Variants in KIDINS220 observed in about 807,000 individuals in gnomAD.
The protein encoded by KIDINS220 is kinase D interacting substrate 220, also known as kinase D-interacting substrate of 220 kDa.
KIDINS220 carries 63 observed loss-of-function variants against 157.6 expected under a neutral mutation model. The ratio of observed to expected loss-of-function variants is 0.40; its 90% CI spans 0.33 to 0.49. The LOEUF (loss-of-function observed/expected upper bound fraction) is 0.49. Ranked by LOEUF, KIDINS220 falls within the 20% of genes least tolerant of loss-of-function variation. KIDINS220 has a pLI of 0.66. For synonymous variants in KIDINS220, 732 were observed against 783.6 expected, an observed-to-expected ratio of 0.93 and a Z score of 1.10; for missense variants, 1,772 against 2,171.2, an observed-to-expected ratio of 0.82 and a Z score of 3.65.
At chr2:8,722,028 T>C (rs562451317), downstream of KIDINS220, 19 of 152,286 alleles carry the variant, frequency 1.2e-4, no homozygotes, top group South Asian at 3.7e-3. Context: ...AATGTTGAAT[T>C]TGGGGGTTCA....
In KIDINS220 at chr2:8,778,886, T is replaced by G; in HGVS notation, c.2614+10A>C. 1.9e-6 allele frequency: 3 copies of G among 1,613,216 alleles called. No homozygotes were observed. Among genetic ancestry groups the G allele is most frequent in the Non-Finnish European group, 1.7e-6 (2 of 1,179,166 alleles). ...TCAAACTCAAAGTACTTTAGGAGCCTGAGCTTTACCTGTAGTATCTGAGCA... is the reference window on the plus strand; with the variant it reads ...TCAAACTCAAAGTACTTTAGGAGCCGGAGCTTTACCTGTAGTATCTGAGCA... On this transcript the variant is annotated intron_variant, in intron 19 of 29. Coordinates refer to ENST00000256707, the MANE Select transcript of KIDINS220 (RefSeq NM_020738.4).
chr2:8,730,338 TG>T lies in KIDINS220; in HGVS notation c.*381del. 1 of 1,011,328 alleles carries T rather than the reference TG, an allele frequency of 9.9e-7. No homozygotes were observed. Among genetic ancestry groups the T allele is most frequent in the Non-Finnish European group, 1.2e-6 (1 of 847,070 alleles). The allele number at this position is 1,011,328 out of a possible 1,614,324, so 62.6% of individuals were successfully genotyped here. ...AACGCCACGTCTTCCCTCAAATGTGTGGTCACCAAATGTTTGCAAAAAGGGT... is the reference window on the plus strand; with the variant it reads ...AACGCCACGTCTTCCCTCAAATGTGTGTCACCAAATGTTTGCAAAAAGGGT... On this transcript the variant is annotated 3_prime_UTR_variant, in exon 30 of 30. Coordinates refer to ENST00000256707, the MANE Select transcript of KIDINS220 (RefSeq NM_020738.4).
At chr2:8,792,773 G>A (rs1673381366) in intron 12 of KIDINS220, among the ~76,000 whole-genome samples, 1 of 151,798 alleles carries the variant, frequency 6.6e-6, no homozygotes, top group Non-Finnish European at 1.5e-5. Context: ...TTTACCCTAA[G>A]AAAATAATCC....
intron 22 of KIDINS220, among the ~76,000 whole-genome samples, chr2:8,769,540 G>A (rs1487862439): frequency 6.6e-6 from 1 of 152,124 alleles, no homozygotes; most frequent in Non-Finnish European, 1.5e-5. Context: ...ACATTAAATA[G>A]GGCTTTATGT....
chr2:8,731,355 C>G lies in KIDINS220; in HGVS notation c.4681G>C (p.Glu1561Gln). The G allele has an allele frequency of 6.2e-7, 1 of 1,614,230 alleles. No homozygotes were observed. The highest frequency in any genetic ancestry group is 8.5e-7 in the Non-Finnish European group (1 of 1,180,040). ...RVPKSPEHSA[E>Q]PIRTFIKAKE... ...GCTTTAATGAAGGTTCTGATCGGCTCAGCACTGTGTTCTGGAGACTTCGGC... is the reference window on the plus strand; with the variant it reads ...GCTTTAATGAAGGTTCTGATCGGCTGAGCACTGTGTTCTGGAGACTTCGGC... The change falls in exon 30 of 30, where the codon GAG becomes CAG. Residue 1561 changes from glutamate to glutamine, a missense_variant. Glu to Gln is a conservative substitution (Grantham distance 29, BLOSUM62 2). Coordinates refer to ENST00000256707, the MANE Select transcript of KIDINS220 (RefSeq NM_020738.4). The surrounding 1 kb of genome is among the most constrained non-coding windows in gnomAD (Gnocchi z 5.2).
chr2:8,757,852 G>GT, intron 22 of KIDINS220: 2 of 1,356,006 alleles, frequency 1.5e-6, no homozygotes, highest in Non-Finnish European at 2.1e-6. Flanking sequence ...TTGGAATTCT[G>GT]TATGTTTTCT....
chr2:8,808,262 T>G (rs568480227), intron 6 of KIDINS220, among the ~76,000 whole-genome samples: 17 of 152,340 alleles, frequency 1.1e-4, no homozygotes, highest in African/African-American at 4.1e-4. Context: ...CTAAAATGCC[T>G]TTCCTAACTT....
chr2:8,752,772 T>C (rs1667540080), intron 22 of KIDINS220, among the ~76,000 whole-genome samples: 2 of 152,222 alleles, frequency 1.3e-5, no homozygotes, highest in Admixed American at 6.5e-5. Context: ...AAAAGTAATA[T>C]ATGCTTACTA....
chr2:8,805,537 G>A (rs1451585091), intron 7 of KIDINS220, among the ~76,000 whole-genome samples: 1 of 152,142 alleles, frequency 6.6e-6, no homozygotes, highest in Non-Finnish European at 1.5e-5. Flanking sequence ...CTCTGGAACT[G>A]ATCCAGAGCT....
chr2:8,734,423 C>A (rs939986433), intron 28 of KIDINS220, among the ~76,000 whole-genome samples: 1 of 152,126 alleles, frequency 6.6e-6, no homozygotes, highest in African/African-American at 2.4e-5. Flanking sequence ...TTCCCCAAAT[C>A]TCTGAGTGAA....
At position 8,757,796 on chromosome 2, in the gene KIDINS220, G is replaced by A. The variant is rs753073790; in HGVS notation, c.3012-6152C>T. On this transcript the variant is annotated intron_variant, in intron 22 of 29. Transcript: ENST00000256707. ...TGTCTGCTCCACAGCATCTGTGTTT[G>A]AATAATAACATCTTCAGTATGGCTC... 4.6e-5 allele frequency: 74 copies of A among 1,596,340 alleles called. No individual in the cohort carries two copies. The highest frequency in any genetic ancestry group is 6.1e-5 in the Non-Finnish European group (71 of 1,168,412).
Position 8,750,284 on chromosome 2 carries a change from G to A in KIDINS220, c.3242C>T (p.Pro1081Leu), listed in dbSNP as rs373415558. The A allele has an allele frequency of 4.7e-5, 76 of 1,612,618 alleles. No homozygotes were observed. In the South Asian group the frequency reaches 5.1e-4, roughly 11 times the overall value. Residue 1081 changes from proline (P) to leucine (L), a missense_variant, in exon 24 of 30, where the codon CCG (proline) becomes CTG (leucine). Around this residue, in one of 3 missense-constraint regions of KIDINS220, gnomAD observed 793 missense variants for 885.5 expected, o/e 0.90. Coordinates refer to ENST00000256707, the MANE Select transcript of KIDINS220 (RefSeq NM_020738.4). The part of the protein sequence containing the change: ...QISIGGLAYP[P>L]LPLHEGPPRA... ...AGGAGGACCCTCATGTAGAGGGAGC[G>A]GGGGGTACGCCAGTCCTCCAATACT... is the stretch of plus-strand genomic sequence containing the variant.
At chr2:8,812,521 G>C (rs774283611) in intron 5 of KIDINS220, 28 bp from the exon 6 acceptor site, 2 of 1,332,574 alleles carry the variant, frequency 1.5e-6, no homozygotes, top group East Asian at 5.3e-5. Context: ...TTGGTAGGTA[G>C]GTAGATAAGT....
chr2:8,796,976 T>C (rs1365136876), intron 10 of KIDINS220, 107 bp from the exon 11 acceptor site: 4 of 811,950 alleles, frequency 4.9e-6, no homozygotes, highest in Non-Finnish European at 8.4e-6. Context: ...ACAGCCTATA[T>C]TTAAAACCCT....
intron 24 of KIDINS220, among the ~76,000 whole-genome samples, chr2:8,748,629 T>C (rs190779403): frequency 5.9e-5 from 9 of 152,310 alleles, no homozygotes; most frequent in African/African-American, 2.2e-4. Context: ...ACAGAAGATA[T>C]CAAATTATAC....
intron 4 of KIDINS220, among the ~76,000 whole-genome samples, chr2:8,814,244 C>G (rs1290340938): frequency 6.6e-6 from 1 of 152,026 alleles, no homozygotes; most frequent in Non-Finnish European, 1.5e-5. Context: ...CGATACGATT[C>G]AATAAAAAAG....
chr2:8,742,755 T>C (rs1665802495), intron 26 of KIDINS220, among the ~76,000 whole-genome samples: 1 of 152,180 alleles, frequency 6.6e-6, no homozygotes. Flanking sequence ...TTTTCATCAG[T>C]TTTCTTCACT....
chr2:8,748,000 G>C lies in KIDINS220; in HGVS notation c.3415C>G (p.Pro1139Ala). 2 of 1,535,986 alleles carry C rather than the reference G, an allele frequency of 1.3e-6. No individual in the cohort carries two copies. The highest frequency in any genetic ancestry group is 1.8e-6 in the Non-Finnish European group (2 of 1,141,450). ...TGPQHPFYNR[P>A]FFAPYLYTPR... The stretch of plus-strand genomic sequence containing the variant: ...GTGTAAAGGTATGGGGCAAAGAATG[G>C]CTATGGAAAAACATGTAACAAAAAA... Residue 1139 changes from proline (P) to alanine (A), a missense_variant and splice_region_variant, in exon 25 of 30, where the codon CCA (proline) becomes GCA (alanine). Physicochemically the swap from Pro to Ala is conservative, Grantham distance 27. This residue lies in a region of KIDINS220 where 793 missense variants were observed against 885.5 expected (regional missense o/e 0.90). Transcript: ENST00000256707.
intron 1 of KIDINS220, among the ~76,000 whole-genome samples, chr2:8,835,392 A>T (rs1240622411): frequency 6.6e-6 from 1 of 152,176 alleles, no homozygotes; most frequent in Non-Finnish European, 1.5e-5. Context: ...GAAACTGTTG[A>T]AAAAGATAAG....
Sources: allele counts gnomAD v4.1 joint callset (sites outside exome capture counted in the v4.1 genomes callset), GRCh38; gene constraint gnomAD v4.1.1; regional missense constraint gnomAD v4.1.1; non-coding constraint Gnocchi (gnomAD v3.1); transcripts MANE v1.5; gene names NCBI Gene and HGNC (gene_info 2026-07-23, HGNC 2026-07-21).